Variants in CC2D2A observed in about 807,000 individuals in gnomAD.
The protein encoded by CC2D2A is coiled-coil and C2 domain-containing protein 2A.
Under a neutral mutation model 212.9 loss-of-function variants are expected in CC2D2A, and 155 were observed. The observed-to-expected ratio is 0.73, with a 90% CI of 0.64 to 0.83. The LOEUF (loss-of-function observed/expected upper bound fraction) is 0.83. Among genes scored for constraint, CC2D2A ranks in the 40% least tolerant of loss-of-function variants. The pLI is 0.00. For synonymous variants in CC2D2A, 667 were observed against 686.5 expected, an observed-to-expected ratio of 0.97 and a Z score of 0.44; for missense variants, 1,856 against 1,956.2, an observed-to-expected ratio of 0.95 and a Z score of 0.97.
chr4:15,569,351 A>G lies in CC2D2A; in HGVS notation c.3457A>G (p.Ile1153Val), dbSNP rs1288097690. ...SLQSVKDVVF[I>V]NIFDEVLHDV... ...GCAGTCAGTGAAAGATGTTGTGTTC[A>G]TTAACATTTTTGATGAAGTACTGCA... Residue 1153 changes from isoleucine (I) to valine (V), a missense_variant, in exon 27 of 37, where the codon ATT (isoleucine) becomes GTT (valine). By Grantham distance (29) the Ile-to-Val change is conservative. Around this residue, in one of 5 missense-constraint regions of CC2D2A, gnomAD observed 1,512 missense variants for 1,579.3 expected, o/e 0.96. Transcript: ENST00000424120. 4.4e-6 allele frequency: 7 copies of G among 1,581,022 alleles called. No homozygotes were observed. Among genetic ancestry groups the G allele is most frequent in the Non-Finnish European group, 6.0e-6 (7 of 1,161,766 alleles).
chr4:15,553,016 T>C, intron 18 of CC2D2A, 142 bp from the exon 19 acceptor site: 1 of 623,400 alleles, frequency 1.6e-6, no homozygotes, highest in South Asian at 2.8e-5. Flanking sequence ...AGAAATTCAG[T>C]GACACTGGCT....
rs201631131 is a variant in CC2D2A at position 15,559,220 on chromosome 4, A to G, written c.2885A>G (p.Asp962Gly). The part of the protein sequence containing the change: ...RNVIETKEHI[D>G]THRAIVAKYL... ...GTAATAGAAACCAAGGAACACATAG[A>G]CACCCATAGGGCCATAGTAGCCAAG... The change falls in exon 22 of 37, where the codon GAC becomes GGC. Residue 962 changes from aspartate (D) to glycine (G), a missense_variant. This residue lies in a region of CC2D2A where 1,512 missense variants were observed against 1,579.3 expected (regional missense o/e 0.96). Coordinates refer to ENST00000424120, the MANE Select transcript of CC2D2A (RefSeq NM_001378615.1). The G allele has an allele frequency of 1.2e-4, 190 of 1,554,264 alleles. No individual in the cohort carries two copies. The highest frequency in any genetic ancestry group is 1.5e-4 in the Non-Finnish European group (178 of 1,148,462).
intron 6 of CC2D2A, among the ~76,000 whole-genome samples, chr4:15,507,270 C>A (rs1335818837): frequency 6.6e-6 from 1 of 152,102 alleles, no homozygotes; most frequent in African/African-American, 2.4e-5. Flanking sequence ...CTTAACACTA[C>A]AAAATGAGAA....
intron 9 of CC2D2A, 74 bp from the exon 10 acceptor site, chr4:15,515,794 T>C: frequency 7.4e-7 from 1 of 1,352,534 alleles, no homozygotes; most frequent in Non-Finnish European, 1.0e-6. Flanking sequence ...CTCTGGTGAT[T>C]AATTCACCAA....
At chr4:15,521,767 G>A (rs981706740) in intron 11 of CC2D2A, among the ~76,000 whole-genome samples, 1 of 152,208 alleles carries the variant, frequency 6.6e-6, no homozygotes, top group Non-Finnish European at 1.5e-5. Context: ...TTTGCTGCGT[G>A]TATTAAAAGA....
chr4:15,577,331 G>A (rs967342666), intron 29 of CC2D2A, among the ~76,000 whole-genome samples: 16 of 152,090 alleles, frequency 1.1e-4, no homozygotes, highest in Admixed American at 8.5e-4. Flanking sequence ...CACCCATTCA[G>A]TTTTTTATAA....
intron 8 of CC2D2A, among the ~76,000 whole-genome samples, chr4:15,513,841 A>G (rs778332406): frequency 2.4e-4 from 37 of 152,220 alleles, no homozygotes; most frequent in Non-Finnish European, 4.6e-4. Context: ...TGGTTTCTAC[A>G]TAGATTCCCT....
chr4:15,553,242 C>T lies in CC2D2A; in HGVS notation c.2423C>T (p.Ala808Val). The T allele has an allele frequency of 6.2e-7, 1 of 1,612,968 alleles. No individual in the cohort carries two copies. Among genetic ancestry groups the T allele is most frequent in the Non-Finnish European group, 8.5e-7 (1 of 1,179,500 alleles). The change falls in exon 19 of 37, where the codon GCC (alanine) becomes GTC (valine). Residue 808 changes from alanine to valine, a missense_variant. By Grantham distance (64) the Ala-to-Val change is moderately conservative. Transcript: ENST00000424120. Reference protein sequence around the residue: ...SGKVSHSVAWAIGENGIPLIP... With the variant: ...SGKVSHSVAWVIGENGIPLIP... ...AAAGTGTCTCATAGTGTGGCATGGGCCATTGGAGAAAACGGGATACCTTTA... is the reference window on the plus strand; with the variant it reads ...AAAGTGTCTCATAGTGTGGCATGGGTCATTGGAGAAAACGGGATACCTTTA...
At position 15,567,463 on chromosome 4, in the gene CC2D2A, C is replaced by A. The variant is rs1719937178; in HGVS notation, c.3269C>A (p.Ala1090Asp). Residue 1090 changes from alanine (A) to aspartate (D), a missense_variant, in exon 25 of 37, where the codon GCT becomes GAT. By Grantham distance (126) the Ala-to-Asp change is moderately radical. Around this residue, in one of 5 missense-constraint regions of CC2D2A, gnomAD observed 1,512 missense variants for 1,579.3 expected, o/e 0.96. Transcript: ENST00000424120. ...SPSTYSPTHN[A>D]DYPLGQVLVR... Reference sequence around the variant, plus strand: ...AGCACGTACAGCCCAACCCACAATGCTGACTACCCCCTCGGCCAGGTGAGA... The same window carrying A: ...AGCACGTACAGCCCAACCCACAATGATGACTACCCCCTCGGCCAGGTGAGA... 6.2e-7 allele frequency: 1 copy of A among 1,613,202 alleles called. No homozygotes were observed. Among genetic ancestry groups the A allele is most frequent in the African/African-American group, 1.3e-5 (1 of 74,910 alleles).
intron 33 of CC2D2A, among the ~76,000 whole-genome samples, chr4:15,594,986 T>A (rs933373314): frequency 2.7e-4 from 38 of 143,196 alleles, no homozygotes; most frequent in South Asian, 4.2e-4. Flanking sequence ...AAAAAAAAAA[T>A]TTTTTTTTAA....
intron 36 of CC2D2A, among the ~76,000 whole-genome samples, chr4:15,600,273 A>G (rs759479672): frequency 2.0e-5 from 3 of 152,206 alleles, no homozygotes; most frequent in South Asian, 2.1e-4. Flanking sequence ...CTCAGCCAGG[A>G]TATTTTCAGT....
chr4:15,592,089 G>T (rs543985290), intron 33 of CC2D2A, among the ~76,000 whole-genome samples: 18 of 152,238 alleles, frequency 1.2e-4, no homozygotes, highest in African/African-American at 3.6e-4. Context: ...TTGGATGTCA[G>T]TCTTTTTCCT....
chr4:15,482,901 C>T (rs1714779480), intron 4 of CC2D2A, among the ~76,000 whole-genome samples: 1 of 152,120 alleles, frequency 6.6e-6, no homozygotes, highest in South Asian at 2.1e-4. Flanking sequence ...ACAAAAAGCG[C>T]TATTTCTGAA....
intron 26 of CC2D2A, among the ~76,000 whole-genome samples, chr4:15,568,605 A>G (rs1720007747): frequency 6.6e-6 from 1 of 152,214 alleles, no homozygotes; most frequent in South Asian, 2.1e-4. Flanking sequence ...ATACATAAAT[A>G]AGAACTAGTT....
chr4:15,524,447 A>AT lies in CC2D2A; in HGVS notation c.1150-2979dup, dbSNP rs71179636. Among the ~76,000 whole-genome samples, 680 of 89,970 alleles carry AT rather than the reference A, an allele frequency of 7.6e-3. 6 individuals carry two copies. Among genetic ancestry groups the AT allele is most frequent in the Middle Eastern group, 0.013 (1 of 78 alleles). 59.0% of individuals were successfully genotyped at this position (89,970 alleles called of 152,430 possible). On this transcript the variant is annotated intron_variant, in intron 11 of 36. Coordinates refer to ENST00000424120, the MANE Select transcript of CC2D2A (RefSeq NM_001378615.1). The stretch of plus-strand genomic sequence containing the variant: ...CACTCGGCCTTCTGTAAAATTTTTA[A>AT]TTTTTTTTTTTTTTTTTTTTTGAGA...
At position 15,553,229 on chromosome 4, in the gene CC2D2A, A is replaced by T. The variant is rs745751160; in HGVS notation, c.2410A>T (p.Ser804Cys). ...GATGACCTCAGGGAAAGTGTCTCAT[A>T]GTGTGGCATGGGCCATTGGAGAAAA... ...TLMTSGKVSH[S>C]VAWAIGENGI... The change falls in exon 19 of 37, where the codon AGT (serine) becomes TGT (cysteine). Residue 804 changes from serine (S) to cysteine (C), a missense_variant. This residue lies in a region of CC2D2A where 1,512 missense variants were observed against 1,579.3 expected (regional missense o/e 0.96). Coordinates refer to ENST00000424120, the MANE Select transcript of CC2D2A (RefSeq NM_001378615.1). 2 of 1,612,860 alleles carry T rather than the reference A, an allele frequency of 1.2e-6. No homozygotes were observed. The highest frequency in any genetic ancestry group is 1.7e-6 in the Non-Finnish European group (2 of 1,179,478).
At chr4:15,595,514 G>A (rs905538053) in intron 33 of CC2D2A, among the ~76,000 whole-genome samples, 1 of 152,166 alleles carries the variant, frequency 6.6e-6, no homozygotes, top group Non-Finnish European at 1.5e-5. Context: ...TCAACCTTGA[G>A]GTAGATACTA....
intron 3 of CC2D2A, 37 bp from the exon 4 acceptor site, chr4:15,480,667 C>T (rs770352575): frequency 6.3e-7 from 1 of 1,592,148 alleles, no homozygotes; most frequent in South Asian, 1.1e-5. Context: ...CAAATAAAGT[C>T]CTGGGAGTCT....
intron 11 of CC2D2A, among the ~76,000 whole-genome samples, chr4:15,520,034 C>G (rs1221015741): frequency 6.6e-6 from 1 of 152,144 alleles, no homozygotes; most frequent in African/African-American, 2.4e-5. Flanking sequence ...ATAGAGAAAA[C>G]ACAGGCCCAG....
Sources: allele counts gnomAD v4.1 joint callset (sites outside exome capture counted in the v4.1 genomes callset), GRCh38; gene constraint gnomAD v4.1.1; regional missense constraint gnomAD v4.1.1; transcripts MANE v1.5; gene names NCBI Gene and HGNC (gene_info 2026-07-23, HGNC 2026-07-21).